The following LDLRAD4 variants were observed in gnomAD, a reference collection of about 807,000 sequenced individuals.
The protein encoded by LDLRAD4 is low-density lipoprotein receptor class A domain-containing protein 4.
A neutral mutation model predicts 17.0 loss-of-function variants in LDLRAD4; 5 were observed. That is an observed-to-expected ratio of 0.29 (90% confidence interval 0.15 to 0.62). The LOEUF (loss-of-function observed/expected upper bound fraction) is 0.62, where lower values mean the gene tolerates loss of function less well. LDLRAD4 is among the 20% of genes least tolerant of loss of function. The probability of loss-of-function intolerance (pLI) is 0.84; values close to 1 mark genes in which losing one functional copy is unlikely to be tolerated. For missense variants in LDLRAD4, 340 were observed against 424.7 expected, an observed-to-expected ratio of 0.80 and a Z score of 1.75; for synonymous variants, 168 against 171.8, an observed-to-expected ratio of 0.98 and a Z score of 0.17.
rs552476200 is a variant in LDLRAD4, at chr18:13,570,245, G to T, written c.182-50872G>T. Reference sequence around the variant, plus strand: ...TGGGACGGTCTGCACCGGAGCATGTGGGGGGCCTGGTCTGTGCGCAGGTCA... The same window carrying T: ...TGGGACGGTCTGCACCGGAGCATGTTGGGGGCCTGGTCTGTGCGCAGGTCA... On this transcript the variant is annotated intron_variant, in intron 3 of 5. Coordinates refer to ENST00000359446, the Ensembl canonical transcript of LDLRAD4. Among the ~76,000 whole-genome samples, 8 of 152,340 alleles carry T rather than the reference G, an allele frequency of 5.3e-5. No homozygotes were observed. The South Asian group carries it at 1.4e-3, about 28-fold the overall frequency.
chr18:13,541,137 G>T (rs1218452471), intron 3 of LDLRAD4, among the ~76,000 whole-genome samples: 1 of 152,238 alleles, frequency 6.6e-6, no homozygotes, highest in Non-Finnish European at 1.5e-5. Context: ...TCTCACCGGG[G>T]TATAAATTGG....
intron 3 of LDLRAD4, chr18:13,543,495 GTT>G (rs2094315541): frequency 6.6e-6 from 1 of 152,204 alleles, no homozygotes; most frequent in Admixed American, 6.5e-5. Flanking sequence ...AGTCTAAAAG[GTT>G]TTAGAATCCT....
At chr18:13,641,735 G>C (rs1000466973) in intron 4 of LDLRAD4, 12 of 984,910 alleles carry the variant, frequency 1.2e-5, no homozygotes, top group African/African-American at 3.5e-5. Flanking sequence ...GGCAAGGGGA[G>C]CGGGGCGCTG....
intron 1 of LDLRAD4, among the ~76,000 whole-genome samples, chr18:13,361,020 A>G (rs551874434): frequency 3.3e-5 from 5 of 152,372 alleles, no homozygotes; most frequent in African/African-American, 1.2e-4. Context: ...TGGGTATTGC[A>G]TGTGCATTGT....
At chr18:13,578,165 TA>T (rs1296622159) in intron 3 of LDLRAD4, among the ~76,000 whole-genome samples, 1 of 152,196 alleles carries the variant, frequency 6.6e-6, no homozygotes, top group Non-Finnish European at 1.5e-5. Flanking sequence ...CATGTGTAGT[TA>T]CGGGGTTTGC....
At position 13,300,636 on chromosome 18, in the gene LDLRAD4, TG is replaced by T. The variant is rs1463397521; in HGVS notation, c.-383+22450del. Among the ~76,000 whole-genome samples, 2 of 152,172 alleles carry T rather than the reference TG, an allele frequency of 1.3e-5. No individual in the cohort carries two copies. The highest frequency in any genetic ancestry group is 2.4e-5 in the African/African-American group (1 of 41,430). ...TGAGTGACAGCAGGATGAAGGAATT[TG>T]GCATCTTTAGTTCATCTTTATATGA... On this transcript the variant is annotated intron_variant, in intron 1 of 5. Transcript: ENST00000359446. This position sits in a 1 kb window ranked among gnomAD's most constrained non-coding sequence, Gnocchi z 4.2.
At chr18:13,536,779 C>T (rs2094206360) in intron 3 of LDLRAD4, among the ~76,000 whole-genome samples, 1 of 152,090 alleles carries the variant, frequency 6.6e-6, no homozygotes, top group Non-Finnish European at 1.5e-5. Flanking sequence ...TACTTTTAAT[C>T]AGATTGAGGA....
At chr18:13,475,997 C>T (rs531971100) in intron 3 of LDLRAD4, among the ~76,000 whole-genome samples, 2 of 152,182 alleles carry the variant, frequency 1.3e-5, no homozygotes, top group East Asian at 1.9e-4. Flanking sequence ...GTCAGGGGAA[C>T]GGGAGGTCAG....
At chr18:13,352,113 T>TC (rs2083074032) in intron 1 of LDLRAD4, among the ~76,000 whole-genome samples, 1 of 152,194 alleles carries the variant, frequency 6.6e-6, no homozygotes, top group Non-Finnish European at 1.5e-5. Context: ...GTAACATATC[T>TC]CAAAATAATA....
intron 1 of LDLRAD4, among the ~76,000 whole-genome samples, chr18:13,284,561 C>G (rs1273160411): frequency 6.6e-6 from 1 of 152,014 alleles, no homozygotes; most frequent in African/African-American, 2.4e-5. Flanking sequence ...AAAAATAAAC[C>G]CTCAGATTCT....
At chr18:13,633,896 C>G (rs1390610282) in intron 4 of LDLRAD4, among the ~76,000 whole-genome samples, 1 of 152,196 alleles carries the variant, frequency 6.6e-6, no homozygotes, top group Non-Finnish European at 1.5e-5. Flanking sequence ...CTGGCTCTCA[C>G]CGGCTCCGTG....
rs2148823531 is a variant in LDLRAD4 at position 13,622,605 on chromosome 18, A to C, written c.336+1334A>C. ...CTGGGGTCCTTTGTCTGGTGTCCACAGAGCTGCGCCATCCAGACGCACTGA... is the reference window on the plus strand; with the variant it reads ...CTGGGGTCCTTTGTCTGGTGTCCACCGAGCTGCGCCATCCAGACGCACTGA... On this transcript the variant is annotated intron_variant, in intron 4 of 5. Transcript: ENST00000359446. This position sits in a 1 kb window ranked among gnomAD's most constrained non-coding sequence, Gnocchi z 5.3. Among the ~76,000 whole-genome samples the C allele has an allele frequency of 6.6e-6, 1 of 152,318 alleles. No individual in the cohort carries two copies. Among genetic ancestry groups the C allele is most frequent in the East Asian group, 1.9e-4 (1 of 5,174 alleles).
At chr18:13,564,580 TAAA>T (rs367805996) in intron 3 of LDLRAD4, among the ~76,000 whole-genome samples, 10 of 82,462 alleles carry the variant, frequency 1.2e-4, no homozygotes, top group Admixed American at 2.7e-4. Flanking sequence ...TCCCATTTTC[TAAA>T]AAAAAAAAAA....
rs1166706651 is a variant in LDLRAD4, at chr18:13,398,064, G to A, written c.40+10302G>A. ...GGCCCGAGAGACCCTCCTTGAGGAC[G>A]CAGTGGCCAGTGGGGGCCACCATGT... On this transcript the variant is annotated intron_variant, in intron 2 of 5. Coordinates refer to ENST00000359446, the Ensembl canonical transcript of LDLRAD4. This position sits in a 1 kb window ranked among gnomAD's most constrained non-coding sequence, Gnocchi z 4.8. Among the ~76,000 whole-genome samples the A allele has an allele frequency of 2.6e-5, 4 of 152,184 alleles. No individual in the cohort carries two copies. Among genetic ancestry groups the A allele is most frequent in the African/African-American group, 7.2e-5 (3 of 41,442 alleles).
Position 13,394,825 on chromosome 18 carries a change from A to C in LDLRAD4, c.40+7063A>C, listed in dbSNP as rs117211005. 5.4e-3 allele frequency among the ~76,000 whole-genome samples: 816 copies of C among 152,358 alleles called. 3 individuals are homozygous for C. Among genetic ancestry groups the C allele is most frequent in the Non-Finnish European group, 8.8e-3 (597 of 68,030 alleles). Reference sequence around the variant, plus strand: ...AAATGGGGGCTTTTGTTCATTGTACATCTGAAACTTGGATGTTGTAGTTAT... The same window carrying C: ...AAATGGGGGCTTTTGTTCATTGTACCTCTGAAACTTGGATGTTGTAGTTAT... On this transcript the variant is annotated intron_variant, in intron 2 of 5. Transcript: ENST00000359446.
chr18:13,613,887 T>C, intron 3 of LDLRAD4: 1 of 152,278 alleles, frequency 6.6e-6, no homozygotes, highest in East Asian at 1.9e-4. Context: ...AGGGACCGTT[T>C]CCTCATTTTA....
intron 3 of LDLRAD4, among the ~76,000 whole-genome samples, chr18:13,497,215 T>A (rs374639314): frequency 1.3e-5 from 2 of 152,178 alleles, no homozygotes; most frequent in African/African-American, 2.4e-5. Flanking sequence ...GGGGTCTCAC[T>A]CTCTCACCCA....
intron 1 of LDLRAD4, among the ~76,000 whole-genome samples, chr18:13,301,262 G>A (rs1354698914): frequency 6.6e-6 from 1 of 151,434 alleles, no homozygotes; most frequent in Non-Finnish European, 1.5e-5. Context: ...AAATGTATGC[G>A]AACCCAGAAC....
intron 2 of LDLRAD4, among the ~76,000 whole-genome samples, chr18:13,411,545 A>G (rs772644197): frequency 1.3e-5 from 2 of 152,092 alleles, no homozygotes; most frequent in African/African-American, 4.8e-5. Flanking sequence ...AGTCTTTCCT[A>G]TGCTGTTCTC....
Sources: allele counts gnomAD v4.1 joint callset (sites outside exome capture counted in the v4.1 genomes callset), GRCh38; gene constraint gnomAD v4.1.1; non-coding constraint Gnocchi (gnomAD v3.1); transcripts MANE v1.5; gene names NCBI Gene and HGNC (gene_info 2026-07-23, HGNC 2026-07-21).